The following EEF2K variants were observed in gnomAD, a reference collection of about 807,000 sequenced individuals.
EEF2K encodes eukaryotic elongation factor 2 kinase, also known as alternative protein EEF2K.
In EEF2K, 70 loss-of-function variants were observed where a neutral mutation model predicts 93.8. The ratio of observed to expected loss-of-function variants is 0.75; its 90% CI spans 0.62 to 0.91. EEF2K has a LOEUF of 0.91. Among genes scored for constraint, EEF2K ranks in the 40% least tolerant of loss-of-function variants. EEF2K has a pLI of 0.00. For synonymous variants in EEF2K, 376 were observed against 380.8 expected, an observed-to-expected ratio of 0.99 and a Z score of 0.15; for missense variants, 935 against 972.9, an observed-to-expected ratio of 0.96 and a Z score of 0.52.
At chr16:22,267,933 C>T (rs2047541064) in intron 15 of EEF2K, among the ~76,000 whole-genome samples, 1 of 152,082 alleles carries the variant, frequency 6.6e-6, no homozygotes, top group Admixed American at 6.6e-5. Context: ...AAGCCCTTGG[C>T]GGGCACATCC....
chr16:22,233,126 C>G (rs1179246704), intron 2 of EEF2K, among the ~76,000 whole-genome samples: 1 of 152,098 alleles, frequency 6.6e-6, no homozygotes, highest in African/African-American at 2.4e-5. Context: ...TTTATGATAA[C>G]GTGGGAAAGT....
chr16:22,230,837 T>C (rs1029168760), intron 2 of EEF2K, among the ~76,000 whole-genome samples: 3 of 152,192 alleles, frequency 2.0e-5, no homozygotes, highest in African/African-American at 7.2e-5. Flanking sequence ...ACTATGTTGC[T>C]TAGGCTGGTC....
At chr16:22,263,080 C>G (rs993442825) in intron 11 of EEF2K, 30 bp from the exon 12 acceptor site, 10 of 1,604,536 alleles carry the variant, frequency 6.2e-6, no homozygotes, top group Non-Finnish European at 8.5e-6. Flanking sequence ...AGGGGACCAC[C>G]AGGACCCTAA....
intron 2 of EEF2K, among the ~76,000 whole-genome samples, chr16:22,230,232 G>A (rs975427166): frequency 1.3e-5 from 2 of 149,858 alleles, no homozygotes; most frequent in African/African-American, 4.9e-5. Flanking sequence ...TTTTTTTTTC[G>A]AGACAGGGTC....
chr16:22,226,660 C>T (rs1241230233), intron 2 of EEF2K, among the ~76,000 whole-genome samples: 1 of 151,846 alleles, frequency 6.6e-6, no homozygotes, highest in Non-Finnish European at 1.5e-5. Context: ...AGATTATAGG[C>T]TTGTACCACT....
At chr16:22,274,681 C>A (rs1300522344) in intron 16 of EEF2K, among the ~76,000 whole-genome samples, 1 of 152,104 alleles carries the variant, frequency 6.6e-6, no homozygotes, top group African/African-American at 2.4e-5. Context: ...CATCATAGCT[C>A]ACTGCAGCCT....
At chr16:22,270,571 C>T (rs774983695) in intron 15 of EEF2K, among the ~76,000 whole-genome samples, 2 of 152,106 alleles carry the variant, frequency 1.3e-5, no homozygotes, top group African/African-American at 2.4e-5. Flanking sequence ...TTCTTTTTGA[C>T]AGCTGCATAA....
At chr16:22,270,139 A>G (rs117531580) in intron 15 of EEF2K, among the ~76,000 whole-genome samples, 3,106 of 148,250 alleles carry the variant, frequency 0.021, 43 homozygotes, top group Non-Finnish European at 0.03. Context: ...TTTTTTTGAG[A>G]TGAAGTCTTG....
rs747180465 is a variant in EEF2K at position 22,251,175 on chromosome 16, T to C, written c.471T>C (p.His157=). ...FRTKKLSNFL[H]AQQWKGASNY... ...GGAAGAAGCTCTCCAACTTCTTGCA[T>C]GCCCAGCAGTGGAAGGGCGCCTCCA... The change falls in exon 6 of 18, where the codon CAT becomes CAC. Residue 157 remains histidine, a synonymous_variant. Coordinates refer to ENST00000263026, the MANE Select transcript of EEF2K (RefSeq NM_013302.5). 5 of 1,613,940 alleles carry C rather than the reference T, an allele frequency of 3.1e-6. No homozygotes were observed. Among genetic ancestry groups the C allele is most frequent in the Non-Finnish European group, 4.2e-6 (5 of 1,179,976 alleles).
intron 15 of EEF2K, among the ~76,000 whole-genome samples, chr16:22,267,937 C>T (rs915427246): frequency 7.2e-5 from 11 of 152,144 alleles, no homozygotes; most frequent in Middle Eastern, 3.2e-3. Flanking sequence ...CCTTGGCGGG[C>T]ACATCCTCCC....
At chr16:22,208,616 G>A (rs2046886466) in intron 1 of EEF2K, among the ~76,000 whole-genome samples, 1 of 152,014 alleles carries the variant, frequency 6.6e-6, no homozygotes, top group Non-Finnish European at 1.5e-5. Context: ...ATATATCACT[G>A]GCTGGGTGTG....
Position 22,275,043 on chromosome 16 carries a change from G to T in EEF2K, c.1889+1293G>T, listed in dbSNP as rs180997084. 1.4e-3 allele frequency among the ~76,000 whole-genome samples: 206 copies of T among 152,310 alleles called. 2 individuals carry two copies. The East Asian group carries it at 0.026, about 20-fold the overall frequency. On this transcript the variant is annotated intron_variant, in intron 16 of 17. Transcript: ENST00000263026. ...CCCTCCTCTGATGTACTGTCTACTG[G>T]CATGGAGGAGAGGTAAACAAAAAAG...
At chr16:22,260,977 C>A (rs1215214480) in intron 11 of EEF2K, among the ~76,000 whole-genome samples, 1 of 152,184 alleles carries the variant, frequency 6.6e-6, no homozygotes, top group Admixed American at 6.5e-5. Flanking sequence ...TTTGGGTTGA[C>A]TTGGTGGTAA....
rs984088974 is a variant in EEF2K, at chr16:22,288,181, G to A, written c.*4185G>A. ...ATGTTTGTATTTTTAGTAGAGACGG[G>A]GGTTTCACCATGTTGGCCAGGCTGG... On this transcript the variant is annotated 3_prime_UTR_variant, in exon 18 of 18. Transcript: ENST00000263026. 9 of 152,088 alleles carry A rather than the reference G, an allele frequency of 5.9e-5. No homozygotes were observed. The highest frequency in any genetic ancestry group is 2.2e-4 in the African/African-American group (9 of 41,388). The allele number at this position is 152,088 out of a possible 1,614,324, so 9.4% of individuals were successfully genotyped here.
chr16:22,226,256 A>G lies in EEF2K; in HGVS notation c.246+281A>G, dbSNP rs979235424. ...GTCCAATGTTTTGTTTTGTTTGTTT[A>G]TTTATTTTAGCTTTCTTTAGAGACA... is the stretch of plus-strand genomic sequence containing the variant. On this transcript the variant is annotated intron_variant, in intron 2 of 17. Transcript: ENST00000263026. Among the ~76,000 whole-genome samples, 4 of 141,182 alleles carry G rather than the reference A, an allele frequency of 2.8e-5. No individual in the cohort carries two copies. The East Asian group carries it at 6.3e-4, about 22-fold the overall frequency. 92.6% of individuals were successfully genotyped at this position (141,182 alleles called of 152,430 possible). A position where few individuals can be genotyped will look rare whatever the true frequency, so the allele number is the denominator to read the frequency against.
rs141626171 is a variant in EEF2K at position 22,241,960 on chromosome 16, C to T, written c.247-2670C>T. Among the ~76,000 whole-genome samples the T allele has an allele frequency of 1.8e-3, 267 of 151,714 alleles. 1 individual carries two copies. Among genetic ancestry groups the T allele is most frequent in the Non-Finnish European group, 2.7e-3 (185 of 67,952 alleles). ...CCTGGGCAACAAACGTAGTGCAACC[C>T]GGTCTCTGCAAAATAAAAATAAAAA... On this transcript the variant is annotated intron_variant, in intron 2 of 17. Coordinates refer to ENST00000263026, the MANE Select transcript of EEF2K (RefSeq NM_013302.5).
At chr16:22,249,738 G>T (rs1240148012) in intron 4 of EEF2K, among the ~76,000 whole-genome samples, 3 of 151,828 alleles carry the variant, frequency 2.0e-5, no homozygotes, top group Non-Finnish European at 4.4e-5. Flanking sequence ...CTCCCGAGTA[G>T]CTCAGACTAC....
intron 3 of EEF2K, among the ~76,000 whole-genome samples, chr16:22,247,199 G>C (rs1269284977): frequency 6.6e-6 from 1 of 151,864 alleles, no homozygotes; most frequent in Non-Finnish European, 1.5e-5. Context: ...CCAGCACTTT[G>C]GGAGGCTGAA....
chr16:22,256,313 G>A (rs746038707), intron 6 of EEF2K, among the ~76,000 whole-genome samples: 13 of 151,948 alleles, frequency 8.6e-5, no homozygotes, highest in Non-Finnish European at 1.3e-4. Context: ...GCCACGGTTG[G>A]TCTCCAACTC....
Sources: gnomAD v4.1 joint callset for allele counts (sites outside exome capture counted in the v4.1 genomes callset) on GRCh38, gnomAD v4.1.1 for gene constraint, MANE v1.5 for transcripts, NCBI Gene and HGNC (gene_info 2026-07-23, HGNC 2026-07-21) for gene names.